TNNI3K: variants seen among roughly 807,000 people sequenced by gnomAD.
TNNI3K encodes TNNI3 interacting kinase.
A neutral mutation model predicts 114.5 loss-of-function variants in TNNI3K; 140 were observed. The observed-to-expected ratio is 1.22, with a 90% confidence interval of 1.07 to 1.41. The LOEUF is 1.41. Among genes scored for constraint, TNNI3K ranks in the 40% most tolerant of loss-of-function variants. The pLI is 0.00. For missense variants in TNNI3K, 1,125 were observed against 1,007.6 expected (o/e 1.12, Z -1.58); for synonymous variants, 347 against 347.5 (o/e 1.00, Z 0.02).
At chr1:74,302,275 G>A (rs886999121) in intron 5 of TNNI3K, among the ~76,000 whole-genome samples, 1 of 152,278 alleles carries the variant, frequency 6.6e-6, no homozygotes, top group South Asian at 2.1e-4. Flanking sequence ...CCACTGACAG[G>A]CCATTTTCCC....
In TNNI3K at chr1:74,242,071, G is replaced by A. The variant is rs545473659; in HGVS notation, c.149+5861G>A. On this transcript the variant is annotated intron_variant, in intron 2 of 24. Transcript: ENST00000326637. ...TCACTGTGTTAGCCAGGATGGTCTC[G>A]ATCTCCTGACCTCGTGATCTGCCCA... 1.2e-4 allele frequency among the ~76,000 whole-genome samples: 19 copies of A among 152,014 alleles called. No individual in the cohort carries two copies. In the East Asian group the frequency reaches 1.7e-3, roughly 14 times the overall value.
intron 17 of TNNI3K, among the ~76,000 whole-genome samples, chr1:74,396,310 C>T (rs928933491): frequency 6.6e-6 from 1 of 152,084 alleles, no homozygotes; most frequent in East Asian, 1.9e-4. Flanking sequence ...AGAATTTCCC[C>T]GTTCCTTCTA....
intron 20 of TNNI3K, among the ~76,000 whole-genome samples, chr1:74,449,688 T>C (rs1221629276): frequency 6.6e-6 from 1 of 151,394 alleles, no homozygotes; most frequent in Non-Finnish European, 1.5e-5. Context: ...AGGGATCAAT[T>C]CAACAAGAAG....
At chr1:74,541,417 G>C (rs1439265007) in intron 24 of TNNI3K, 3 of 152,156 alleles carry the variant, frequency 2.0e-5, no homozygotes, top group Non-Finnish European at 4.4e-5. Flanking sequence ...TTTATCATCA[G>C]TTTTACAACA....
chr1:74,503,245 T>C (rs1287672127), intron 23 of TNNI3K, among the ~76,000 whole-genome samples: 4 of 152,204 alleles, frequency 2.6e-5, no homozygotes, highest in Non-Finnish European at 5.9e-5. Flanking sequence ...CATGCATAAA[T>C]ACAATAGGGA....
At chr1:74,489,345 T>C in intron 22 of TNNI3K, 97 bp downstream of exon 22, 2 of 1,246,618 alleles carry the variant, frequency 1.6e-6, no homozygotes, top group East Asian at 2.4e-5. Flanking sequence ...GAAAAGTTAC[T>C]GTGAGGACCC....
chr1:74,440,978 T>C (rs1288336292), intron 20 of TNNI3K, among the ~76,000 whole-genome samples: 1 of 152,140 alleles, frequency 6.6e-6, no homozygotes, highest in Non-Finnish European at 1.5e-5. Context: ...CTGTTTATTT[T>C]ACCTTCTAAT....
intron 2 of TNNI3K, among the ~76,000 whole-genome samples, chr1:74,238,637 T>C (rs2100824497): frequency 6.6e-6 from 1 of 152,190 alleles, no homozygotes; most frequent in East Asian, 1.9e-4. Flanking sequence ...ATGATTTTGA[T>C]TGAAAGGGAT....
At chr1:74,508,485 C>A (rs989349148) in intron 23 of TNNI3K, among the ~76,000 whole-genome samples, 1 of 152,170 alleles carries the variant, frequency 6.6e-6, no homozygotes, top group Non-Finnish European at 1.5e-5. Flanking sequence ...GGACTTAAAC[C>A]TGGCCAGAGT....
chr1:74,335,372 A>G (rs1469082794), intron 6 of TNNI3K, among the ~76,000 whole-genome samples: 3 of 152,180 alleles, frequency 2.0e-5, no homozygotes, highest in African/African-American at 7.2e-5. Flanking sequence ...GGTCAGTAGC[A>G]GGCACTATTG....
At chr1:74,467,304 G>A (rs1051847082) in intron 21 of TNNI3K, among the ~76,000 whole-genome samples, 1 of 152,174 alleles carries the variant, frequency 6.6e-6, no homozygotes, top group African/African-American at 2.4e-5. Context: ...TGCTATTCTG[G>A]TCATTACTTT....
At chr1:74,490,532 T>C (rs909191833) in intron 22 of TNNI3K, among the ~76,000 whole-genome samples, 1 of 152,192 alleles carries the variant, frequency 6.6e-6, no homozygotes, top group Non-Finnish European at 1.5e-5. Flanking sequence ...TGTAATATAT[T>C]GATCAAGCCT....
At chr1:74,499,395 T>C (rs1669494311) in intron 23 of TNNI3K, among the ~76,000 whole-genome samples, 1 of 152,210 alleles carries the variant, frequency 6.6e-6, no homozygotes. Context: ...CTTCCTAAAG[T>C]GCTGAGATTA....
In TNNI3K at chr1:74,502,345, T is replaced by C. The variant is rs74518476; in HGVS notation, c.2351+10079T>C. Reference sequence around the variant, plus strand: ...TGAACATAATGACTTCCCACAAACATGATGCCATTGAATTCAACAATCTTG... The same window carrying C: ...TGAACATAATGACTTCCCACAAACACGATGCCATTGAATTCAACAATCTTG... On this transcript the variant is annotated intron_variant, in intron 23 of 24. Transcript: ENST00000326637. Among the ~76,000 whole-genome samples, 785 of 152,298 alleles carry C rather than the reference T, an allele frequency of 5.2e-3. 10 individuals carry two copies. Among genetic ancestry groups the C allele is most frequent in the African/African-American group, 0.017 (725 of 41,564 alleles).
chr1:74,511,481 T>C (rs1192755478), intron 23 of TNNI3K, among the ~76,000 whole-genome samples: 2 of 152,190 alleles, frequency 1.3e-5, no homozygotes, highest in Non-Finnish European at 2.9e-5. Context: ...AATATATTAC[T>C]TACAGGTGGA....
chr1:74,520,366 G>A lies in TNNI3K; in HGVS notation c.2352-19868G>A, dbSNP rs541717996. 1.1e-3 allele frequency among the ~76,000 whole-genome samples: 173 copies of A among 152,046 alleles called. 2 individuals are homozygous for A. In the Middle Eastern group the frequency reaches 0.014, roughly 12 times the overall value. On this transcript the variant is annotated intron_variant, in intron 23 of 24. Transcript: ENST00000326637. ...TTTCTGAAGAATTTGAGACTACTTC[G>A]CGTGAGTTCCACCACCTTTCTTCCT...
chr1:74,507,707 C>G (rs1247105780), intron 23 of TNNI3K, among the ~76,000 whole-genome samples: 1 of 152,148 alleles, frequency 6.6e-6, no homozygotes, highest in Non-Finnish European at 1.5e-5. Flanking sequence ...GTGAGAATTT[C>G]AAAGAACTTG....
chr1:74,266,304 T>A lies in TNNI3K; in HGVS notation c.334-5294T>A, dbSNP rs184264592. Among the ~76,000 whole-genome samples, 6 of 152,164 alleles carry A rather than the reference T, an allele frequency of 3.9e-5. No individual in the cohort carries two copies. The South Asian group carries it at 1.2e-3, about 31-fold the overall frequency. On this transcript the variant is annotated intron_variant, in intron 4 of 24. Transcript: ENST00000326637. Reference sequence around the variant, plus strand: ...CTTCATGTGCGATGTACCTTCTCCATGTGGCCTGCATTTTCTTATACCATG... The same window carrying A: ...CTTCATGTGCGATGTACCTTCTCCAAGTGGCCTGCATTTTCTTATACCATG...
intron 17 of TNNI3K, among the ~76,000 whole-genome samples, chr1:74,421,765 T>A (rs952248565): frequency 3.9e-5 from 6 of 151,954 alleles, no homozygotes; most frequent in Non-Finnish European, 8.8e-5. Flanking sequence ...AGGAAGGGGA[T>A]GTGCTGGGCC....
Sources: allele counts gnomAD v4.1 joint callset (sites outside exome capture counted in the v4.1 genomes callset), GRCh38; gene constraint gnomAD v4.1.1; transcripts MANE v1.5; gene names NCBI Gene and HGNC (gene_info 2026-07-23, HGNC 2026-07-21).